Variants in LRP1B observed in about 807,000 individuals in gnomAD.
LRP1B encodes low-density lipoprotein receptor-related protein 1B.
Under a neutral mutation model 556.6 loss-of-function variants are expected in LRP1B, and 217 were observed. That is an observed-to-expected ratio of 0.39 (90% CI 0.35 to 0.44). The LOEUF is 0.44. Among genes scored for constraint, LRP1B ranks in the 20% least tolerant of loss-of-function variants. The pLI is 1.00. For synonymous variants in LRP1B, 2,047 were observed against 1,865.8 expected (o/e 1.10, Z -2.50); for missense variants, 5,053 against 5,620.8 (o/e 0.90, Z 3.23).
At chr2:141,590,712 A>G (rs1265258077) in intron 2 of LRP1B, among the ~76,000 whole-genome samples, 1 of 151,996 alleles carries the variant, frequency 6.6e-6, no homozygotes, top group African/African-American at 2.4e-5. Context: ...TCTTCCATGA[A>G]TTCTCTAACA....
intron 1 of LRP1B, among the ~76,000 whole-genome samples, chr2:142,023,639 C>A (rs757848580): frequency 3.2e-4 from 48 of 152,190 alleles, no homozygotes; most frequent in South Asian, 6.2e-4. Context: ...CTTCCAGAAT[C>A]CTTCACATTT....
At chr2:140,772,311 G>GTATGTA (rs138277029) in intron 33 of LRP1B, among the ~76,000 whole-genome samples, 1 of 150,182 alleles carries the variant, frequency 6.7e-6, no homozygotes, top group Non-Finnish European at 1.5e-5. Context: ...TTGTATGTAT[G>GTATGTA]TATATATATA....
chr2:141,725,160 T>C (rs1333490259), intron 2 of LRP1B, among the ~76,000 whole-genome samples: 3 of 151,992 alleles, frequency 2.0e-5, no homozygotes, highest in Non-Finnish European at 4.4e-5. Flanking sequence ...GTATTTTACT[T>C]GCATTAGTAT....
At chr2:141,065,885 C>T (rs1314632502) in intron 7 of LRP1B, among the ~76,000 whole-genome samples, 2 of 151,920 alleles carry the variant, frequency 1.3e-5, no homozygotes, top group Non-Finnish European at 2.9e-5. Context: ...CCCTGGAAAA[C>T]TCATGGTAGA....
intron 60 of LRP1B, among the ~76,000 whole-genome samples, chr2:140,470,800 G>A (rs2105341969): frequency 6.6e-6 from 1 of 152,150 alleles, no homozygotes; most frequent in African/African-American, 2.4e-5. Flanking sequence ...CTGAGGTCCA[G>A]GGAATTTAAC....
At chr2:141,839,625 T>C (rs1428054531) in intron 1 of LRP1B, among the ~76,000 whole-genome samples, 2 of 152,158 alleles carry the variant, frequency 1.3e-5, no homozygotes, top group Non-Finnish European at 2.9e-5. Context: ...TTCTTGACTA[T>C]ACTGAGACAC....
chr2:140,581,250 G>A (rs12467852), intron 43 of LRP1B, among the ~76,000 whole-genome samples: 78,768 of 152,032 alleles, frequency 0.52, 20,908 homozygotes, highest in Admixed American at 0.6. Context: ...CAAAGTTTTC[G>A]CCTTTGATTT....
chr2:141,021,739 T>A (rs954292666), intron 11 of LRP1B, among the ~76,000 whole-genome samples: 5 of 152,002 alleles, frequency 3.3e-5, no homozygotes, highest in Non-Finnish European at 5.9e-5. Context: ...ATGAAGCAGT[T>A]ACAATGCTGT....
intron 1 of LRP1B, among the ~76,000 whole-genome samples, chr2:141,902,712 T>C (rs13024435): frequency 0.34 from 52,326 of 151,822 alleles, 9,771 homozygotes; most frequent in East Asian, 0.46. Context: ...TGTAGTTGTG[T>C]CTTATTGAGT....
In LRP1B at chr2:140,485,448, T is replaced by C. The variant is rs2105362951; in HGVS notation, c.9320A>G (p.Glu3107Gly). 2 of 1,613,986 alleles carry C rather than the reference T, an allele frequency of 1.2e-6. No individual in the cohort carries two copies. The highest frequency in any genetic ancestry group is 2.2e-5 in the South Asian group (2 of 91,076). ...IGKNLYWSDT[E>G]KRIIEVSKLN... The stretch of plus-strand genomic sequence containing the variant: ...TTTGGATACTTCAATGATTCTTTTT[T>C]CTGTGTCAGACCAATAGAGGTTTTT... Residue 3107 changes from glutamate (E) to glycine (G), a missense_variant, in exon 59 of 91, where the codon GAA (glutamate) becomes GGA (glycine). Physicochemically the swap from Glu to Gly is moderately conservative, Grantham distance 98. Around this residue, in one of 5 missense-constraint regions of LRP1B, gnomAD observed 3,619 missense variants for 3,931.9 expected, o/e 0.92. Coordinates refer to ENST00000389484, the MANE Select transcript of LRP1B (RefSeq NM_018557.3).
chr2:140,666,333 A>AC (rs1685274450), intron 41 of LRP1B, among the ~76,000 whole-genome samples: 3 of 148,832 alleles, frequency 2.0e-5, no homozygotes, highest in African/African-American at 7.5e-5. Flanking sequence ...CACACACACC[A>AC]CACAAATAAA....
At chr2:140,293,434 T>C (rs1286848259) in intron 84 of LRP1B, among the ~76,000 whole-genome samples, 1 of 152,174 alleles carries the variant, frequency 6.6e-6, no homozygotes, top group Non-Finnish European at 1.5e-5. Context: ...TCTTTGCCTC[T>C]CCTCCCTGGG....
chr2:140,656,766 C>G (rs1302822698), intron 41 of LRP1B, among the ~76,000 whole-genome samples: 1 of 151,998 alleles, frequency 6.6e-6, no homozygotes, highest in Non-Finnish European at 1.5e-5. Flanking sequence ...CTTTTAACAA[C>G]TATAGTGAGG....
intron 11 of LRP1B, among the ~76,000 whole-genome samples, chr2:141,031,850 T>C (rs1038826028): frequency 6.6e-6 from 1 of 151,984 alleles, no homozygotes; most frequent in Non-Finnish European, 1.5e-5. Flanking sequence ...ATGTAGATTT[T>C]TTTTAAGCAA....
chr2:142,117,516 G>A (rs903262733), intron 1 of LRP1B, among the ~76,000 whole-genome samples: 2 of 151,908 alleles, frequency 1.3e-5, no homozygotes, highest in African/African-American at 2.4e-5. Flanking sequence ...GGCAACTCAG[G>A]GGTTGCATAG....
chr2:141,743,486 C>CTTTTT (rs765968445), intron 2 of LRP1B, among the ~76,000 whole-genome samples: 40 of 108,018 alleles, frequency 3.7e-4, no homozygotes, highest in Non-Finnish European at 4.6e-4. Flanking sequence ...CTGCTTTTTT[C>CTTTTT]TTTTTTTTTT....
At chr2:140,256,714 G>A (rs1681711343) in intron 86 of LRP1B, among the ~76,000 whole-genome samples, 2 of 151,342 alleles carry the variant, frequency 1.3e-5, no homozygotes, top group South Asian at 4.2e-4. Flanking sequence ...TGATCCGCCT[G>A]CCTCAGCTTC....
intron 60 of LRP1B, among the ~76,000 whole-genome samples, chr2:140,458,805 T>C (rs1193488216): frequency 1.3e-5 from 2 of 151,910 alleles, no homozygotes; most frequent in Non-Finnish European, 2.9e-5. Flanking sequence ...TATTATCAAC[T>C]AAAGTAAATA....
chr2:141,802,547 T>C (rs994474060), intron 2 of LRP1B, among the ~76,000 whole-genome samples: 21 of 152,198 alleles, frequency 1.4e-4, no homozygotes, highest in Admixed American at 9.2e-4. Context: ...ATGAGATGCT[T>C]TGTCCTACTG....
Sources: allele counts gnomAD v4.1 joint callset (sites outside exome capture counted in the v4.1 genomes callset), GRCh38; gene constraint gnomAD v4.1.1; regional missense constraint gnomAD v4.1.1; transcripts MANE v1.5; gene names NCBI Gene and HGNC (gene_info 2026-07-23, HGNC 2026-07-21).